Variants in ACBD6 observed in about 807,000 individuals in gnomAD.
ACBD6 encodes acyl-CoA binding domain containing 6.
In ACBD6, 28 loss-of-function variants were observed where a neutral mutation model predicts 37.2. The ratio of observed to expected loss-of-function variants is 0.75; its 90% CI spans 0.56 to 1.03. ACBD6 has a LOEUF of 1.03. Among genes scored for constraint, ACBD6 ranks in the 50% least tolerant of loss-of-function variants. ACBD6 has a pLI of 0.00. For synonymous variants in ACBD6, 113 were observed against 126.8 expected (o/e 0.89, Z 0.73); for missense variants, 340 against 337.4 (o/e 1.01, Z -0.06).
At chr1:180,480,646 G>A (rs1442464096) in intron 3 of ACBD6, among the ~76,000 whole-genome samples, 1 of 152,202 alleles carries the variant, frequency 6.6e-6, no homozygotes, top group Non-Finnish European at 1.5e-5. Flanking sequence ...CAAAAAGGCA[G>A]AGTTCTTCAA....
chr1:180,419,519 C>T (rs79823197), intron 4 of ACBD6, among the ~76,000 whole-genome samples: 2,989 of 152,166 alleles, frequency 0.02, 99 homozygotes, highest in African/African-American at 0.067. Context: ...CAAAGGAATT[C>T]GTATAAGTTG....
intron 3 of ACBD6, among the ~76,000 whole-genome samples, chr1:180,485,002 G>A (rs913974365): frequency 2.0e-5 from 3 of 151,794 alleles, no homozygotes; most frequent in Non-Finnish European, 2.9e-5. Flanking sequence ...CCCGGAAGGC[G>A]GGGGTTGCAG....
intron 6 of ACBD6, among the ~76,000 whole-genome samples, chr1:180,358,946 A>T (rs1179264697): frequency 6.6e-6 from 1 of 152,230 alleles, no homozygotes; most frequent in Non-Finnish European, 1.5e-5. Flanking sequence ...AGTAAACTTT[A>T]GCTTAATAAT....
At chr1:180,452,060 C>G (rs1308848120) in intron 3 of ACBD6, among the ~76,000 whole-genome samples, 1 of 152,056 alleles carries the variant, frequency 6.6e-6, no homozygotes, top group Non-Finnish European at 1.5e-5. Flanking sequence ...ACAGTGAGAA[C>G]AAAGACACAA....
chr1:180,310,575 G>C (rs10494526), intron 7 of ACBD6, among the ~76,000 whole-genome samples: 1 of 152,142 alleles, frequency 6.6e-6, no homozygotes, highest in East Asian at 1.9e-4. Flanking sequence ...GAGGAATAGA[G>C]AGGCTAATAA....
chr1:180,432,042 C>T (rs956945158), intron 3 of ACBD6, among the ~76,000 whole-genome samples: 1 of 151,972 alleles, frequency 6.6e-6, no homozygotes, highest in Non-Finnish European at 1.5e-5. Context: ...ACCACCTCTA[C>T]TAAAAATGCA....
chr1:180,271,220 T>G (rs1236676471), exon 14 of ACBD6: 3 of 777,778 alleles, frequency 3.9e-6, no homozygotes, highest in Non-Finnish European at 6.8e-6. Flanking sequence ...GTCAGTGCCA[T>G]GAGAGTGGGG....
At chr1:180,357,293 GC>G (rs1408848499) in intron 6 of ACBD6, among the ~76,000 whole-genome samples, 1 of 152,124 alleles carries the variant, frequency 6.6e-6, no homozygotes, top group Non-Finnish European at 1.5e-5. Flanking sequence ...TAAATGACCT[GC>G]CCCCAAATGA....
chr1:180,353,086 G>C (rs1652478796), intron 6 of ACBD6, among the ~76,000 whole-genome samples: 1 of 152,120 alleles, frequency 6.6e-6, no homozygotes, highest in South Asian at 2.1e-4. Flanking sequence ...TATCTTGTTT[G>C]TTTTTAGCAT....
At chr1:180,492,193 G>C (rs1651531143) in intron 3 of ACBD6, 76 bp downstream of exon 3, 1 of 1,065,154 alleles carries the variant, frequency 9.4e-7, no homozygotes, top group South Asian at 1.3e-5. Context: ...TTAAAACTAA[G>C]TTTAGTTTTA....
At chr1:180,370,415 A>G (rs957690635) in intron 6 of ACBD6, among the ~76,000 whole-genome samples, 2 of 152,182 alleles carry the variant, frequency 1.3e-5, no homozygotes, top group Admixed American at 6.5e-5. Flanking sequence ...TGCATATTTT[A>G]TAATACTGTA....
chr1:180,376,927 A>G (rs562839029), intron 6 of ACBD6, among the ~76,000 whole-genome samples: 13 of 152,370 alleles, frequency 8.5e-5, no homozygotes, highest in African/African-American at 1.7e-4. Context: ...CCTGAATAAC[A>G]TAACTATACT....
intron 6 of ACBD6, among the ~76,000 whole-genome samples, chr1:180,316,316 G>C (rs1358291533): frequency 7.4e-6 from 1 of 135,492 alleles, no homozygotes; most frequent in African/African-American, 2.6e-5. Context: ...ATGAAAGTGT[G>C]TGTGTGTGTG....
intron 11 of ACBD6, chr1:180,273,879 T>C (rs1648843367): frequency 1.5e-5 from 6 of 413,266 alleles, no homozygotes; most frequent in Non-Finnish European, 1.3e-5. Context: ...TAGGCATTCA[T>C]CCTCCTCAGT....
chr1:180,289,660 C>A (rs1358731382), intron 7 of ACBD6, among the ~76,000 whole-genome samples: 3 of 152,284 alleles, frequency 2.0e-5, no homozygotes, highest in African/African-American at 7.2e-5. Context: ...CAAATGTAAA[C>A]AGCCCAAACG....
In ACBD6 at chr1:180,460,295, C is replaced by A. The variant is rs528188376; in HGVS notation, c.385-30033G>T. Among the ~76,000 whole-genome samples, 56 of 152,162 alleles carry A rather than the reference C, an allele frequency of 3.7e-4. 1 individual carries two copies. The highest frequency in any genetic ancestry group is 1.7e-4 in the African/African-American group (7 of 41,440). ...AAACTTCCTGGAACAAAGTTCCCGG[C>A]GTAGGGGCAGGCTGCCATCTTTGCT... is the stretch of plus-strand genomic sequence containing the variant. On this transcript the variant is annotated intron_variant, in intron 3 of 7. Coordinates refer to ENST00000367595, the MANE Select transcript of ACBD6 (RefSeq NM_032360.4).
chr1:180,453,668 C>A (rs1029160059), intron 3 of ACBD6, among the ~76,000 whole-genome samples: 1 of 152,192 alleles, frequency 6.6e-6, no homozygotes, highest in African/African-American at 2.4e-5. Context: ...AGCCCAAAAT[C>A]TCCTAAAGCT....
intron 6 of ACBD6, among the ~76,000 whole-genome samples, chr1:180,335,458 T>A (rs1408716455): frequency 6.6e-6 from 1 of 152,038 alleles, no homozygotes; most frequent in African/African-American, 2.4e-5. Context: ...GACAAGCAAA[T>A]GCTGAGAGAT....
intron 6 of ACBD6, among the ~76,000 whole-genome samples, chr1:180,391,524 AC>A (rs35715929): frequency 0.66 from 100,242 of 151,906 alleles, 33,150 homozygotes; most frequent in South Asian, 0.76. Flanking sequence ...ATGAACATAT[AC>A]AAATGACCAA....
Sources: allele counts gnomAD v4.1 joint callset (sites outside exome capture counted in the v4.1 genomes callset), GRCh38; gene constraint gnomAD v4.1.1; transcripts MANE v1.5; gene names NCBI Gene and HGNC (gene_info 2026-07-23, HGNC 2026-07-21).